The following PDS5A variants were observed in gnomAD, a reference collection of about 807,000 sequenced individuals.
PDS5A encodes the protein sister chromatid cohesion protein PDS5 homolog A.
Under a neutral mutation model 167.1 loss-of-function variants are expected in PDS5A, and 42 were observed. The ratio of observed to expected loss-of-function variants is 0.25; its 90% confidence interval spans 0.20 to 0.33. PDS5A has a LOEUF of 0.33. Among genes scored for constraint, PDS5A ranks in the 10% least tolerant of loss-of-function variants. The pLI is 1.00. For missense variants in PDS5A, 1,033 were observed against 1,605.9 expected, an observed-to-expected ratio of 0.64 and a Z score of 6.10; for synonymous variants, 553 against 554.6, an observed-to-expected ratio of 1.00 and a Z score of 0.04.
chr4:39,845,861 C>A lies in PDS5A; in HGVS notation c.3359G>T (p.Ser1120Ile). 1.4e-6 allele frequency: 2 copies of A among 1,380,314 alleles called. No individual in the cohort carries two copies. The highest frequency in any genetic ancestry group is 1.9e-6 in the Non-Finnish European group (2 of 1,056,088). The allele number at this position is 1,380,314 out of a possible 1,614,324, so 85.5% of individuals were successfully genotyped here. The part of the protein sequence containing the change: ...QPEKDFCNDK[S>I]YISEETRVLL... ...TACTCTTGTCTCTTCTGAAATATAA[C>A]TCTTATCGTTACAGAAGTCCTATTA... The change falls in exon 29 of 33, where the codon AGT becomes ATT. Residue 1120 changes from serine to isoleucine, a missense_variant. By Grantham distance (142) the Ser-to-Ile change is moderately radical. Coordinates refer to ENST00000303538, the MANE Select transcript of PDS5A (RefSeq NM_001100399.2).
At chr4:39,908,910 C>T (rs1423773908) in intron 10 of PDS5A, 3 of 181,674 alleles carry the variant, frequency 1.7e-5, no homozygotes, top group East Asian at 1.6e-4. Context: ...TGTAGTGGCC[C>T]GCCCCTGCAG....
chr4:39,867,417 G>A (rs970551441), intron 22 of PDS5A, among the ~76,000 whole-genome samples: 8 of 151,890 alleles, frequency 5.3e-5, no homozygotes, highest in African/African-American at 1.9e-4. Flanking sequence ...TACAGGCCGG[G>A]GGTGGTGACT....
At chr4:39,830,853 T>C (rs1715796398) in intron 32 of PDS5A, among the ~76,000 whole-genome samples, 1 of 152,248 alleles carries the variant, frequency 6.6e-6, no homozygotes, top group African/African-American at 2.4e-5. Flanking sequence ...TGCAAGGATT[T>C]TGTTTGCATG....
At chr4:39,963,443 T>C (rs1479813120) in intron 2 of PDS5A, among the ~76,000 whole-genome samples, 1 of 150,662 alleles carries the variant, frequency 6.6e-6, no homozygotes, top group African/African-American at 2.4e-5. Flanking sequence ...TGGGCAAAAA[T>C]AGCCAGACTC....
intron 3 of PDS5A, among the ~76,000 whole-genome samples, chr4:39,927,070 C>G (rs992620703): frequency 1.3e-5 from 2 of 152,136 alleles, no homozygotes; most frequent in African/African-American, 4.8e-5. Flanking sequence ...CAAAAATAAA[C>G]TATAAATCTT....
chr4:39,931,607 G>T (rs534032991), intron 2 of PDS5A, among the ~76,000 whole-genome samples: 1 of 152,300 alleles, frequency 6.6e-6, no homozygotes, highest in African/African-American at 2.4e-5. Context: ...GACAGCTCAA[G>T]TGAAAAGGCA....
intron 19 of PDS5A, among the ~76,000 whole-genome samples, chr4:39,875,841 C>G (rs1319186569): frequency 6.6e-6 from 1 of 152,032 alleles, no homozygotes; most frequent in East Asian, 1.9e-4. Flanking sequence ...AAGATAGTTT[C>G]AATCAAACTG....
At chr4:39,942,335 G>C (rs557334701) in intron 2 of PDS5A, among the ~76,000 whole-genome samples, 2 of 152,034 alleles carry the variant, frequency 1.3e-5, no homozygotes, top group South Asian at 2.1e-4. Context: ...CACAGAGTTC[G>C]ACACTTTTTT....
chr4:39,959,977 C>G (rs1000484319), intron 2 of PDS5A, among the ~76,000 whole-genome samples: 2 of 152,088 alleles, frequency 1.3e-5, no homozygotes, highest in African/African-American at 4.8e-5. Context: ...CCAGCAGTCC[C>G]ACCAACTTGG....
chr4:39,923,363 AG>A (rs1725174775), intron 5 of PDS5A, among the ~76,000 whole-genome samples: 2 of 151,460 alleles, frequency 1.3e-5, no homozygotes, highest in South Asian at 2.1e-4. Flanking sequence ...AAAAAGGAAA[AG>A]GAAAAAAAGA....
At chr4:39,943,123 T>TACACACACACAC (rs35361618) in intron 2 of PDS5A, among the ~76,000 whole-genome samples, 1 of 144,834 alleles carries the variant, frequency 6.9e-6, no homozygotes, top group African/African-American at 2.6e-5. Context: ...ACTATGCAAA[T>TACACACACACAC]ACACACACAC....
At chr4:39,896,481 T>C (rs1296252276) in intron 16 of PDS5A, among the ~76,000 whole-genome samples, 1 of 152,010 alleles carries the variant, frequency 6.6e-6, no homozygotes, top group Non-Finnish European at 1.5e-5. Flanking sequence ...TTAAAAATTT[T>C]TTTGGCTGCA....
intron 2 of PDS5A, among the ~76,000 whole-genome samples, chr4:39,963,132 C>T (rs1046224423): frequency 4.6e-5 from 7 of 151,594 alleles, no homozygotes; most frequent in African/African-American, 1.7e-4. Flanking sequence ...CAGCCTGGAC[C>T]AACATGGCGA....
At chr4:39,883,271 C>A (rs1721117554) in intron 17 of PDS5A, among the ~76,000 whole-genome samples, 1 of 152,158 alleles carries the variant, frequency 6.6e-6, no homozygotes, top group Middle Eastern at 3.2e-3. Flanking sequence ...ACTTCCGCCT[C>A]CCAGGTTCAA....
Position 39,926,755 on chromosome 4 carries a change from T to C in PDS5A, c.429+20A>G, listed in dbSNP as rs1725508138. On this transcript the variant is annotated intron_variant, in intron 4 of 32. Transcript: ENST00000303538. ...CATGTGAAATAATGTTAATAGTTATTAAAGTTTTTTTTTTTTTACCTCTAA... is the reference window on the plus strand; with the variant it reads ...CATGTGAAATAATGTTAATAGTTATCAAAGTTTTTTTTTTTTTACCTCTAA... 2 of 1,336,292 alleles carry C rather than the reference T, an allele frequency of 1.5e-6. No individual in the cohort carries two copies. The highest frequency in any genetic ancestry group is 9.9e-7 in the Non-Finnish European group (1 of 1,012,760). 82.8% of individuals were successfully genotyped at this position (1,336,292 alleles called of 1,614,324 possible). A position where few individuals can be genotyped will look rare whatever the true frequency, so the allele number is the denominator to read the frequency against.
chr4:39,882,245 T>C (rs1720996498), intron 17 of PDS5A, among the ~76,000 whole-genome samples: 1 of 152,252 alleles, frequency 6.6e-6, no homozygotes, highest in Admixed American at 6.5e-5. Context: ...CCGTCTTAAC[T>C]AGTACCTGTT....
chr4:39,892,105 C>T (rs1722025551), intron 16 of PDS5A, among the ~76,000 whole-genome samples: 1 of 151,500 alleles, frequency 6.6e-6, no homozygotes, highest in South Asian at 2.1e-4. Context: ...AAACAAAAAA[C>T]AAAAAACAAA....
chr4:39,961,060 C>T (rs1013519002), intron 2 of PDS5A, among the ~76,000 whole-genome samples: 12 of 152,026 alleles, frequency 7.9e-5, no homozygotes, highest in East Asian at 7.7e-4. Flanking sequence ...TCCTCCACCT[C>T]GCTCTCCCAA....
At chr4:39,923,116 AT>A (rs1725144760) in intron 5 of PDS5A, among the ~76,000 whole-genome samples, 1 of 152,030 alleles carries the variant, frequency 6.6e-6, no homozygotes, top group Non-Finnish European at 1.5e-5. Flanking sequence ...ATCACCTGAC[AT>A]CAGGAGTTCA....
Sources: gnomAD v4.1 joint callset for allele counts (sites outside exome capture counted in the v4.1 genomes callset) on GRCh38, gnomAD v4.1.1 for gene constraint, MANE v1.5 for transcripts, NCBI Gene and HGNC (gene_info 2026-07-23, HGNC 2026-07-21) for gene names.